The following PRKN variants were observed in gnomAD, a reference collection of about 807,000 sequenced individuals.
The protein encoded by PRKN is parkin RBR E3 ubiquitin protein ligase.
In PRKN, 56 loss-of-function variants were observed where a neutral mutation model predicts 59.5. The observed-to-expected ratio is 0.94, with a 90% confidence interval of 0.76 to 1.18. The LOEUF is 1.18. PRKN is among the 50% of genes most tolerant of loss of function. PRKN has a pLI of 0.00. For synonymous variants in PRKN, 250 were observed against 222.1 expected, an observed-to-expected ratio of 1.13 and a Z score of -1.12; for missense variants, 657 against 596.4, an observed-to-expected ratio of 1.10 and a Z score of -1.06.
At chr6:162,278,116 A>G (rs928859321) in intron 2 of PRKN, among the ~76,000 whole-genome samples, 4 of 152,192 alleles carry the variant, frequency 2.6e-5, no homozygotes, top group Admixed American at 1.3e-4. Flanking sequence ...AAGCCAGGAA[A>G]TGACATGGAG....
intron 9 of PRKN, among the ~76,000 whole-genome samples, chr6:161,504,057 A>G (rs1778057378): frequency 6.6e-6 from 1 of 152,220 alleles, no homozygotes. Context: ...GTATTAATAT[A>G]TTTAAAAAGC....
chr6:161,462,061 C>G lies in PRKN; in HGVS notation c.1084-75184G>C, dbSNP rs1248385475. ...GGTGGGTGAGAAGGGCACCCACAAG[C>G]TAGCAGGGGAGGGAACAGTCAACAG... On this transcript the variant is annotated intron_variant, in intron 9 of 11. Coordinates refer to ENST00000366898, the MANE Select transcript of PRKN (RefSeq NM_004562.3). The surrounding 1 kb of genome is among the most constrained non-coding windows in gnomAD (Gnocchi z 4.5). 6.6e-6 allele frequency among the ~76,000 whole-genome samples: 1 copy of G among 152,152 alleles called. No individual in the cohort carries two copies. Among genetic ancestry groups the G allele is most frequent in the Non-Finnish European group, 1.5e-5 (1 of 68,038 alleles).
intron 4 of PRKN, among the ~76,000 whole-genome samples, chr6:162,195,192 A>G (rs1784442219): frequency 6.6e-6 from 1 of 152,234 alleles, no homozygotes; most frequent in Admixed American, 6.5e-5. Flanking sequence ...AACATGCCCT[A>G]CAAATACTGT....
intron 6 of PRKN, among the ~76,000 whole-genome samples, chr6:161,805,955 G>A (rs778126576): frequency 3.3e-5 from 5 of 152,204 alleles, no homozygotes; most frequent in Non-Finnish European, 7.3e-5. Context: ...AGCAAGCTTA[G>A]CCAAGAGAAA....
At position 162,329,072 on chromosome 6, in the gene PRKN, T is replaced by C. The variant is rs182692949; in HGVS notation, c.172-66307A>G. ...ATCTGTATGTGTTCGGGTACTTCTA[T>C]AAAATCTGCCAGTTTTTAACTTCCT... On this transcript the variant is annotated intron_variant, in intron 2 of 11. Transcript: ENST00000366898. Among the ~76,000 whole-genome samples the C allele has an allele frequency of 1.1e-4, 16 of 152,354 alleles. No homozygotes were observed. The East Asian group carries it at 2.9e-3, about 28-fold the overall frequency.
chr6:162,406,596 C>T (rs1379479810), intron 2 of PRKN, among the ~76,000 whole-genome samples: 14 of 152,144 alleles, frequency 9.2e-5, no homozygotes, highest in South Asian at 2.1e-4. Context: ...TGTGACTATA[C>T]CATGTGGTGT....
intron 4 of PRKN, among the ~76,000 whole-genome samples, chr6:162,134,734 G>A (rs954004105): frequency 4.6e-5 from 7 of 152,204 alleles, no homozygotes; most frequent in African/African-American, 1.7e-4. Flanking sequence ...GCAGCATGGA[G>A]AATTGATTGG....
intron 9 of PRKN, among the ~76,000 whole-genome samples, chr6:161,520,584 T>C (rs1282349024): frequency 2.0e-5 from 3 of 152,112 alleles, no homozygotes; most frequent in Admixed American, 6.6e-5. Flanking sequence ...AATCTGACCA[T>C]ATCCAAAGGT....
intron 2 of PRKN, among the ~76,000 whole-genome samples, chr6:162,292,630 A>T (rs1781491027): frequency 6.6e-6 from 1 of 152,152 alleles, no homozygotes; most frequent in South Asian, 2.1e-4. Context: ...CCATAAGAAG[A>T]TAAGTCTGAA....
At chr6:162,257,373 T>C (rs1214774273) in intron 3 of PRKN, among the ~76,000 whole-genome samples, 1 of 152,134 alleles carries the variant, frequency 6.6e-6, no homozygotes, top group Non-Finnish European at 1.5e-5. Context: ...AAAATCTGAC[T>C]ACTTGGCTGA....
At chr6:162,404,156 G>A (rs1787943838) in intron 2 of PRKN, among the ~76,000 whole-genome samples, 1 of 151,800 alleles carries the variant, frequency 6.6e-6, no homozygotes, top group South Asian at 2.1e-4. Flanking sequence ...CGGATCACGA[G>A]GTCAGGAGTT....
At chr6:162,427,580 ATTTAAAG>A (rs895805548) in intron 2 of PRKN, among the ~76,000 whole-genome samples, 3 of 152,104 alleles carry the variant, frequency 2.0e-5, no homozygotes, top group Non-Finnish European at 2.9e-5. Context: ...CATATCATTT[ATTTAAAG>A]TTTAAAAGCA....
intron 6 of PRKN, among the ~76,000 whole-genome samples, chr6:161,882,546 G>C (rs1794977933): frequency 6.6e-6 from 1 of 152,322 alleles, no homozygotes; most frequent in Non-Finnish European, 1.5e-5. Context: ...TGGGGGCTCT[G>C]AGTTTGGGAG....
At chr6:162,230,476 A>C (rs1322547709) in intron 3 of PRKN, among the ~76,000 whole-genome samples, 1 of 152,228 alleles carries the variant, frequency 6.6e-6, no homozygotes, top group Non-Finnish European at 1.5e-5. Flanking sequence ...CACTCAGCTG[A>C]TAACCAACTT....
rs1778742458 is a variant in PRKN, at chr6:161,920,509, G to A, written c.734+52793C>T. Among the ~76,000 whole-genome samples, 3 of 152,180 alleles carry A rather than the reference G, an allele frequency of 2.0e-5. No individual in the cohort carries two copies. The South Asian group carries it at 6.2e-4, about 32-fold the overall frequency. On this transcript the variant is annotated intron_variant, in intron 6 of 11. Transcript: ENST00000366898. The stretch of plus-strand genomic sequence containing the variant: ...AAAGATAAAAAACATGGTACCCCTG[G>A]GCCGGGCGCAGTGGCTCATGCCGGT...
chr6:161,557,381 T>C (rs989260439), intron 8 of PRKN, among the ~76,000 whole-genome samples: 1 of 152,220 alleles, frequency 6.6e-6, no homozygotes, highest in African/African-American at 2.4e-5. Context: ...TCTGTTAGTC[T>C]GCAGGTTAGG....
At chr6:162,472,104 C>A (rs1322277551) in intron 1 of PRKN, among the ~76,000 whole-genome samples, 2 of 152,152 alleles carry the variant, frequency 1.3e-5, no homozygotes, top group African/African-American at 4.8e-5. Flanking sequence ...CAGGAAAACT[C>A]TAGGAAGATA....
At chr6:162,593,732 G>C (rs1417649523) in intron 1 of PRKN, among the ~76,000 whole-genome samples, 4 of 152,218 alleles carry the variant, frequency 2.6e-5, no homozygotes, top group Admixed American at 6.5e-5. Context: ...GGAGAGTCAG[G>C]ATAGGGCAGG....
At chr6:162,014,552 G>A (rs1478422572) in intron 5 of PRKN, among the ~76,000 whole-genome samples, 3 of 152,158 alleles carry the variant, frequency 2.0e-5, no homozygotes, top group Non-Finnish European at 4.4e-5. Flanking sequence ...ATGTCCGCAC[G>A]GATCCACCTG....
Sources: allele counts gnomAD v4.1 joint callset (sites outside exome capture counted in the v4.1 genomes callset), GRCh38; gene constraint gnomAD v4.1.1; non-coding constraint Gnocchi (gnomAD v3.1); transcripts MANE v1.5; gene names NCBI Gene and HGNC (gene_info 2026-07-23, HGNC 2026-07-21).